XRCC4: variants seen among roughly 807,000 people sequenced by gnomAD.
XRCC4 encodes X-ray repair cross complementing 4.
A neutral mutation model predicts 39.1 loss-of-function variants in XRCC4; 28 were observed. That is an observed-to-expected ratio of 0.72 (90% confidence interval 0.53 to 0.98). XRCC4 has a LOEUF of 0.98. Among genes scored for constraint, XRCC4 ranks in the 50% least tolerant of loss-of-function variants. The pLI is 0.00. For synonymous variants in XRCC4, 123 were observed against 126.4 expected (o/e 0.97, Z 0.18); for missense variants, 350 against 376.4 (o/e 0.93, Z 0.58).
intron 3 of XRCC4, among the ~76,000 whole-genome samples, chr5:83,125,986 C>CAAAAAA (rs35711158): frequency 9.2e-6 from 1 of 108,500 alleles, no homozygotes. Flanking sequence ...TCCATCTCAT[C>CAAAAAA]AAAAAAAAAA....
intron 6 of XRCC4, among the ~76,000 whole-genome samples, chr5:83,237,788 G>C (rs889669700): frequency 6.6e-6 from 1 of 152,080 alleles, no homozygotes; most frequent in Non-Finnish European, 1.5e-5. Flanking sequence ...TTATTACCCT[G>C]ATTTGATCAT....
At chr5:83,192,147 A>G (rs1249195492) in intron 3 of XRCC4, among the ~76,000 whole-genome samples, 1 of 143,604 alleles carries the variant, frequency 7.0e-6, no homozygotes, top group Non-Finnish European at 1.6e-5. Flanking sequence ...AGTGAAACCT[A>G]CTATGATTCT....
intron 3 of XRCC4, among the ~76,000 whole-genome samples, chr5:83,124,518 T>C (rs141372326): frequency 6.6e-6 from 1 of 152,294 alleles, no homozygotes; most frequent in Non-Finnish European, 1.5e-5. Context: ...ACTTTGTTTA[T>C]TCATTTATTC....
At chr5:83,289,208 T>G (rs1390225414) in intron 7 of XRCC4, among the ~76,000 whole-genome samples, 1 of 151,906 alleles carries the variant, frequency 6.6e-6, no homozygotes, top group East Asian at 1.9e-4. Context: ...CTTTAATATA[T>G]TAATCATAAT....
intron 7 of XRCC4, among the ~76,000 whole-genome samples, chr5:83,268,820 A>T (rs939617260): frequency 6.6e-6 from 1 of 152,190 alleles, no homozygotes; most frequent in East Asian, 1.9e-4. Context: ...GAAATTTCCC[A>T]ACTTTAGAGA....
At chr5:83,333,825 A>G (rs1756512155) in intron 7 of XRCC4, among the ~76,000 whole-genome samples, 2 of 148,872 alleles carry the variant, frequency 1.3e-5, no homozygotes, top group African/African-American at 5.0e-5. Context: ...GCTGGAGTGC[A>G]GTGGCACAAT....
chr5:83,237,211 A>G (rs1335084619), intron 6 of XRCC4, among the ~76,000 whole-genome samples: 1 of 152,172 alleles, frequency 6.6e-6, no homozygotes, highest in Non-Finnish European at 1.5e-5. Context: ...ACTGCTGGGT[A>G]TATACCTAAA....
chr5:83,292,604 A>G (rs902756905), intron 7 of XRCC4, among the ~76,000 whole-genome samples: 2 of 152,016 alleles, frequency 1.3e-5, no homozygotes, highest in African/African-American at 4.8e-5. Flanking sequence ...GAAATTATTT[A>G]ACTTTTGTAA....
chr5:83,152,891 C>A (rs1748781717), intron 3 of XRCC4, among the ~76,000 whole-genome samples: 1 of 152,064 alleles, frequency 6.6e-6, no homozygotes, highest in Non-Finnish European at 1.5e-5. Context: ...GCCTACCCAT[C>A]CTATTTCGTC....
At chr5:83,100,238 A>G (rs1313289249) in intron 1 of XRCC4, among the ~76,000 whole-genome samples, 2 of 152,178 alleles carry the variant, frequency 1.3e-5, no homozygotes, top group African/African-American at 4.8e-5. Flanking sequence ...TTTACTAAAT[A>G]ATAGAATCTT....
chr5:83,172,701 A>AC (rs1749783419), intron 3 of XRCC4, among the ~76,000 whole-genome samples: 1 of 152,168 alleles, frequency 6.6e-6, no homozygotes, highest in Non-Finnish European at 1.5e-5. Flanking sequence ...TACTCATGTT[A>AC]AAAAGAATCA....
intron 7 of XRCC4, among the ~76,000 whole-genome samples, chr5:83,270,793 A>ATT (rs5869174): frequency 0.049 from 7,070 of 144,134 alleles, 352 homozygotes; most frequent in African/African-American, 0.13. Context: ...ATATGTATAT[A>ATT]TTTTTTTTTT....
At chr5:83,128,616 C>T (rs949414879) in intron 3 of XRCC4, among the ~76,000 whole-genome samples, 3 of 152,140 alleles carry the variant, frequency 2.0e-5, no homozygotes, top group African/African-American at 7.2e-5. Flanking sequence ...CCTAATTCTC[C>T]AGATCTTCTC....
intron 3 of XRCC4, among the ~76,000 whole-genome samples, chr5:83,117,907 C>T (rs1267670480): frequency 2.0e-5 from 3 of 151,940 alleles, no homozygotes; most frequent in African/African-American, 7.3e-5. Context: ...CCTGGACCCC[C>T]TGACCAGCCC....
chr5:83,263,172 A>T (rs1260337772), intron 7 of XRCC4, among the ~76,000 whole-genome samples: 3 of 149,738 alleles, frequency 2.0e-5, no homozygotes, highest in African/African-American at 7.4e-5. Flanking sequence ...AAGGACATGA[A>T]CTCATCATTT....
At chr5:83,083,952 G>C (rs367659687) in intron 1 of XRCC4, among the ~76,000 whole-genome samples, 2 of 152,156 alleles carry the variant, frequency 1.3e-5, no homozygotes, top group South Asian at 4.1e-4. Context: ...GCTTTTCAGA[G>C]GAGCTCCCTT....
intron 3 of XRCC4, among the ~76,000 whole-genome samples, chr5:83,168,062 A>C (rs1040442980): frequency 1.6e-4 from 25 of 152,180 alleles, no homozygotes; most frequent in Admixed American, 1.2e-3. Flanking sequence ...TGGTAGATAA[A>C]AATTATTAAA....
At chr5:83,357,112 A>G (rs1320525399), downstream of XRCC4, among the ~76,000 whole-genome samples, 1 of 152,234 alleles carries the variant, frequency 6.6e-6, no homozygotes, top group Admixed American at 6.5e-5. Context: ...ATTAAGGATC[A>G]GCTATGCACA....
At chr5:83,304,617 A>G (rs1755413373) in intron 7 of XRCC4, among the ~76,000 whole-genome samples, 1 of 152,212 alleles carries the variant, frequency 6.6e-6, no homozygotes, top group African/African-American at 2.4e-5. Flanking sequence ...TTCTACCAGA[A>G]AATGAAGATT....
Sources: allele counts gnomAD v4.1 joint callset (sites outside exome capture counted in the v4.1 genomes callset), GRCh38; gene constraint gnomAD v4.1.1; transcripts MANE v1.5; gene names NCBI Gene and HGNC (gene_info 2026-07-23, HGNC 2026-07-21).